Variants in KCNJ12 observed in about 807,000 individuals in gnomAD.
KCNJ12 encodes potassium inwardly rectifying channel subfamily J member 12, also known as ATP-sensitive inward rectifier potassium channel 12.
KCNJ12 carries 2 observed loss-of-function variants against 22.3 expected under a neutral mutation model. That is an observed-to-expected ratio of 0.09 (90% CI 0.04 to 0.28). KCNJ12 has a LOEUF of 0.28. Among genes scored for constraint, KCNJ12 ranks in the 10% least tolerant of loss-of-function variants. The pLI, the probability that KCNJ12 is intolerant of heterozygous loss-of-function variation, is 1.00. For missense variants in KCNJ12, 155 were observed against 633.3 expected (o/e 0.24, Z 8.11); for synonymous variants, 117 against 261.4 (o/e 0.45, Z 5.33).
chr17:21,387,460 A>G (rs1224502392), intron 1 of KCNJ12, among the ~76,000 whole-genome samples: 3 of 151,612 alleles, frequency 2.0e-5, no homozygotes, highest in Non-Finnish European at 4.4e-5. Context: ...AAAAAAAAAA[A>G]AAAAAGAAAC....
intron 2 of KCNJ12, among the ~76,000 whole-genome samples, chr17:21,410,642 A>G (rs1906275548): frequency 6.6e-6 from 1 of 152,308 alleles, no homozygotes; most frequent in Non-Finnish European, 1.5e-5. Flanking sequence ...GCAGCAGTCT[A>G]CATCTCATCA....
Position 21,411,389 on chromosome 17 carries a change from G to A in KCNJ12, c.-57+2749G>A, listed in dbSNP as rs79909760. Among the ~76,000 whole-genome samples, 7 of 152,258 alleles carry A rather than the reference G, an allele frequency of 4.6e-5. No homozygotes were observed. In the East Asian group the frequency reaches 9.7e-4, roughly 21 times the overall value. On this transcript the variant is annotated intron_variant, in intron 2 of 2. Transcript: ENST00000583088. The stretch of plus-strand genomic sequence containing the variant: ...AAGCAGGGATCTCCGGGGGTCTGCC[G>A]GGCCCGTGCTCTCTCCCCACTGCCT...
intron 1 of KCNJ12, among the ~76,000 whole-genome samples, chr17:21,404,165 G>C (rs1905794989): frequency 6.6e-6 from 1 of 152,148 alleles, no homozygotes; most frequent in Admixed American, 6.5e-5. Context: ...GGAGTAGCTG[G>C]GCCAGCCCCC....
chr17:21,387,561 T>C (rs868940922), intron 1 of KCNJ12, among the ~76,000 whole-genome samples: 1 of 151,446 alleles, frequency 6.6e-6, no homozygotes, highest in African/African-American at 2.4e-5. Context: ...CTCGGGTGGG[T>C]TTCCCAGCTG....
chr17:21,411,403 TC>T (rs1340191502), intron 2 of KCNJ12, among the ~76,000 whole-genome samples: 4 of 152,170 alleles, frequency 2.6e-5, no homozygotes, highest in African/African-American at 9.6e-5. Flanking sequence ...CCGTGCTCTC[TC>T]CCCACTGCCT....
Position 21,415,339 on chromosome 17 carries a change from C to G in KCNJ12, c.-4C>G. On this transcript the variant is annotated 5_prime_UTR_variant, in exon 3 of 3. Coordinates refer to ENST00000583088, the MANE Select transcript of KCNJ12 (RefSeq NM_021012.5). ...GGGCGAGCCAGGGTCCCCCAACCCC[C>G]GGGATGACCGCGGCCAGCCGGGCCA... is the stretch of plus-strand genomic sequence containing the variant. 6.2e-7 allele frequency: 1 copy of G among 1,605,152 alleles called. No homozygotes were observed. The highest frequency in any genetic ancestry group is 8.5e-7 in the Non-Finnish European group (1 of 1,179,668).
At chr17:21,386,404 T>A (rs563589491) in intron 1 of KCNJ12, among the ~76,000 whole-genome samples, 1 of 152,238 alleles carries the variant, frequency 6.6e-6, no homozygotes, top group African/African-American at 2.4e-5. Flanking sequence ...AACCTGGAAC[T>A]CACAGGCTCA....
At chr17:21,400,739 GA>G (rs2142061686) in intron 1 of KCNJ12, among the ~76,000 whole-genome samples, 1 of 152,430 alleles carries the variant, frequency 6.6e-6, no homozygotes, top group Non-Finnish European at 1.5e-5. Flanking sequence ...CTCCTTCTCA[GA>G]ATAACACTTT....
At chr17:21,405,683 A>G (rs1905887355) in intron 1 of KCNJ12, among the ~76,000 whole-genome samples, 4 of 152,404 alleles carry the variant, frequency 2.6e-5, no homozygotes, top group Middle Eastern at 6.8e-3. Flanking sequence ...GTCATGGGGA[A>G]GCACTGCCCC....
intron 1 of KCNJ12, among the ~76,000 whole-genome samples, chr17:21,382,373 G>A (rs1477897039): frequency 2.0e-5 from 3 of 152,168 alleles, no homozygotes; most frequent in African/African-American, 4.8e-5. Context: ...TTTGGAGGGC[G>A]GCTGAGGGGA....
At chr17:21,394,817 GC>G (rs1366485484) in intron 1 of KCNJ12, among the ~76,000 whole-genome samples, 2 of 152,216 alleles carry the variant, frequency 1.3e-5, no homozygotes, top group African/African-American at 4.8e-5. Flanking sequence ...GTTCAGTGTT[GC>G]CAGGGGTAAA....
intron 1 of KCNJ12, among the ~76,000 whole-genome samples, chr17:21,378,381 C>T (rs1349217049): frequency 6.6e-6 from 1 of 152,318 alleles, no homozygotes; most frequent in East Asian, 1.9e-4. Flanking sequence ...TGGGACCGCC[C>T]CCCCCAACAA....
rs368249953 is a variant in KCNJ12, at chr17:21,417,112, A to AT, written c.*477dup. The AT allele has an allele frequency of 1.7e-5, 2 of 118,050 alleles. No homozygotes were observed. 7.3% of individuals were successfully genotyped at this position (118,050 alleles called of 1,614,324 possible). On this transcript the variant is annotated 3_prime_UTR_variant, in exon 3 of 3. Coordinates refer to ENST00000583088, the MANE Select transcript of KCNJ12 (RefSeq NM_021012.5). ...AAAAAATTACCATGCAATTGAAAAA[A>AT]TTTTTTTTTAATTCACAGGGGGCAA...
At chr17:21,407,716 TATCC>T (rs1465887014) in intron 1 of KCNJ12, among the ~76,000 whole-genome samples, 1 of 148,868 alleles carries the variant, frequency 6.7e-6, no homozygotes, top group Non-Finnish European at 1.5e-5. Flanking sequence ...CTTTCACACT[TATCC>T]ATCCATCTAT....
At chr17:21,388,452 G>A (rs1469047327) in intron 1 of KCNJ12, among the ~76,000 whole-genome samples, 2 of 152,200 alleles carry the variant, frequency 1.3e-5, no homozygotes, top group African/African-American at 4.8e-5. Flanking sequence ...GGTGGGTGTA[G>A]GTGGGATTGC....
At chr17:21,380,461 CA>C (rs1434509653) in intron 1 of KCNJ12, among the ~76,000 whole-genome samples, 35 of 152,158 alleles carry the variant, frequency 2.3e-4, no homozygotes, top group Non-Finnish European at 2.4e-4. Context: ...TGGACAGACT[CA>C]GGGGGGCAAG....
At chr17:21,395,536 G>C (rs782121205) in intron 1 of KCNJ12, among the ~76,000 whole-genome samples, 1 of 109,644 alleles carries the variant, frequency 9.1e-6, no homozygotes, top group Non-Finnish European at 1.7e-5. Flanking sequence ...AGCCGAGATC[G>C]CACCACTACA....
intron 1 of KCNJ12, among the ~76,000 whole-genome samples, chr17:21,393,172 G>A (rs1412833904): frequency 1.3e-5 from 2 of 152,148 alleles, no homozygotes; most frequent in African/African-American, 4.8e-5. Context: ...GTGCTGCTTA[G>A]GAGTTTTGGG....
chr17:21,395,378 C>T (rs1292258082), intron 1 of KCNJ12, among the ~76,000 whole-genome samples: 11 of 150,260 alleles, frequency 7.3e-5, no homozygotes, highest in East Asian at 2.0e-4. Context: ...GTGGATCACT[C>T]GAGGCCAGGA....
Sources: gnomAD v4.1 joint callset for allele counts (sites outside exome capture counted in the v4.1 genomes callset) on GRCh38, gnomAD v4.1.1 for gene constraint, MANE v1.5 for transcripts, NCBI Gene and HGNC (gene_info 2026-07-23, HGNC 2026-07-21) for gene names.